Variants in SLC41A3 observed in about 807,000 individuals in gnomAD.
SLC41A3 encodes solute carrier family 41 member 3.
In SLC41A3, 44 loss-of-function variants were observed where a neutral mutation model predicts 45.4. The ratio of observed to expected loss-of-function variants is 0.97; its 90% CI spans 0.76 to 1.25. The LOEUF is 1.25. SLC41A3 is among the 50% of genes most tolerant of loss of function. The pLI is 0.00. For synonymous variants in SLC41A3, 256 were observed against 252.4 expected, an observed-to-expected ratio of 1.01 and a Z score of -0.13; for missense variants, 550 against 600.6, an observed-to-expected ratio of 0.92 and a Z score of 0.88.
intron 6 of SLC41A3, among the ~76,000 whole-genome samples, chr3:126,022,142 C>G (rs1940940978): frequency 6.6e-6 from 1 of 152,172 alleles, no homozygotes; most frequent in Non-Finnish European, 1.5e-5. Context: ...TGCTTTAAAC[C>G]TTGCCTGTGT....
chr3:126,056,243 G>A, intron 2 of SLC41A3: 3 of 1,353,142 alleles, frequency 2.2e-6, no homozygotes, highest in South Asian at 1.4e-5. Context: ...GGCAGGTTGA[G>A]GGCTGCCCTC....
intron 1 of SLC41A3, among the ~76,000 whole-genome samples, chr3:126,091,412 C>T (rs1945486004): frequency 6.6e-6 from 1 of 152,052 alleles, no homozygotes; most frequent in Non-Finnish European, 1.5e-5. Context: ...GGAGAGACAA[C>T]TGGAAGTGGG....
intron 4 of SLC41A3, among the ~76,000 whole-genome samples, chr3:126,032,928 G>A (rs1941911565): frequency 6.6e-6 from 1 of 152,112 alleles, no homozygotes; most frequent in Non-Finnish European, 1.5e-5. Flanking sequence ...GCTACCTCCT[G>A]TCTATGTCCA....
intron 2 of SLC41A3, among the ~76,000 whole-genome samples, chr3:126,053,019 T>A (rs1233150126): frequency 6.6e-6 from 1 of 152,202 alleles, no homozygotes; most frequent in Non-Finnish European, 1.5e-5. Flanking sequence ...GACGTTGCTA[T>A]GACTGGTCAG....
chr3:126,017,349 G>C (rs1261145367), intron 6 of SLC41A3, among the ~76,000 whole-genome samples: 2 of 152,330 alleles, frequency 1.3e-5, no homozygotes, highest in Admixed American at 1.3e-4. Context: ...GCTATGGCCT[G>C]GGTCCATGGA....
intron 1 of SLC41A3, among the ~76,000 whole-genome samples, chr3:126,072,087 A>G (rs1424541154): frequency 1.3e-5 from 2 of 152,136 alleles, no homozygotes; most frequent in Non-Finnish European, 2.9e-5. Context: ...ATACTCTTAA[A>G]TAAGTAATGG....
At chr3:126,034,782 C>A (rs1168010426) in intron 3 of SLC41A3, among the ~76,000 whole-genome samples, 1 of 152,258 alleles carries the variant, frequency 6.6e-6, no homozygotes, top group African/African-American at 2.4e-5. Context: ...CCAGCTCCAA[C>A]CTGGGTGCTG....
At position 126,006,944 on chromosome 3, in the gene SLC41A3, G is replaced by A. The variant is rs1036922377; in HGVS notation, c.*72C>T. ...CAACCATCCCAAGGACCTGGCAAGG[G>A]AGAAACTGAATTCTGTATCCCACTG... On this transcript the variant is annotated 3_prime_UTR_variant, in exon 11 of 11. Coordinates refer to ENST00000360370, the MANE Select transcript of SLC41A3 (RefSeq NM_017836.4). 1.4e-5 allele frequency: 22 copies of A among 1,599,224 alleles called. No homozygotes were observed. The South Asian group carries it at 1.9e-4, about 14-fold the overall frequency.
At chr3:126,008,681 T>G (rs771712989) in intron 10 of SLC41A3, 51 bp downstream of exon 10, 1 of 1,576,284 alleles carries the variant, frequency 6.3e-7, no homozygotes, top group Non-Finnish European at 8.7e-7. Flanking sequence ...AGATCAAGCC[T>G]GCTGGCTGAC....
At chr3:126,100,460 G>A (rs899003822) in intron 1 of SLC41A3, among the ~76,000 whole-genome samples, 3 of 152,168 alleles carry the variant, frequency 2.0e-5, no homozygotes, top group Non-Finnish European at 2.9e-5. Flanking sequence ...TGGATCCAGC[G>A]TGCTGCCACC....
upstream of SLC41A3, chr3:126,084,177 C>G (rs1249509834): frequency 6.6e-6 from 1 of 152,006 alleles, no homozygotes; most frequent in Non-Finnish European, 1.5e-5. Flanking sequence ...AGCGGGAAGG[C>G]CGGGCCTCCC....
At chr3:126,084,459 A>G (rs1945331137), upstream of SLC41A3, 1 of 152,202 alleles carries the variant, frequency 6.6e-6, no homozygotes, top group African/African-American at 2.4e-5. Context: ...AAAGGTACGG[A>G]GAACGGGAAC....
intron 9 of SLC41A3, among the ~76,000 whole-genome samples, chr3:126,011,331 A>C (rs1939687392): frequency 6.6e-6 from 1 of 152,246 alleles, no homozygotes; most frequent in Non-Finnish European, 1.5e-5. Flanking sequence ...AATAGGCTCA[A>C]TAGCAGAATG....
At position 126,033,675 on chromosome 3, in the gene SLC41A3, T is replaced by C. The variant is rs1941973286; in HGVS notation, c.385A>G (p.Asn129Asp). ...TGGGGGTCATCAATTTGTCCAGTGT[T>C]GGCCTAGAATGAAGAGAAAAGGACA... is the stretch of plus-strand genomic sequence containing the variant. ...TLASRLSTAA[N>D]TGQIDDPQEQ... is the part of the protein sequence containing the mutation. The change falls in exon 4 of 11, where the codon AAC (asparagine) becomes GAC (aspartate). Residue 129 changes from asparagine to aspartate, a missense_variant. Physicochemically the swap from Asn to Asp is conservative, Grantham distance 23 (BLOSUM62 1). Transcript: ENST00000360370. 6.2e-7 allele frequency: 1 copy of C among 1,612,594 alleles called. No individual in the cohort carries two copies. The highest frequency in any genetic ancestry group is 1.3e-5 in the African/African-American group (1 of 75,032).
At chr3:126,095,997 T>A (rs1450993672) in intron 1 of SLC41A3, among the ~76,000 whole-genome samples, 5 of 152,212 alleles carry the variant, frequency 3.3e-5, no homozygotes, top group Admixed American at 3.3e-4. Flanking sequence ...TTGTGGAAAC[T>A]ATTAATAGCT....
intron 8 of SLC41A3, among the ~76,000 whole-genome samples, chr3:126,013,707 C>G (rs1159265671): frequency 1.3e-5 from 2 of 152,140 alleles, no homozygotes; most frequent in Admixed American, 6.5e-5. Flanking sequence ...AAGACGTTGT[C>G]TGCTGCATGA....
intron 4 of SLC41A3, among the ~76,000 whole-genome samples, chr3:126,028,327 TC>T (rs34923610): frequency 0.29 from 43,500 of 152,158 alleles, 6,355 homozygotes; most frequent in African/African-American, 0.33. Context: ...CTGTCCCATG[TC>T]CCAGTCGCTC....
intron 4 of SLC41A3, among the ~76,000 whole-genome samples, chr3:126,028,426 A>G (rs535260197): frequency 1.9e-4 from 29 of 152,338 alleles, no homozygotes; most frequent in Admixed American, 1.4e-3. Context: ...TTCCATCCAC[A>G]TGTGTTATGC....
At chr3:126,057,517 A>G (rs1437237582) in intron 2 of SLC41A3, among the ~76,000 whole-genome samples, 1 of 152,154 alleles carries the variant, frequency 6.6e-6, no homozygotes, top group Non-Finnish European at 1.5e-5. Flanking sequence ...TCAGACTCAC[A>G]CCAGCTGAAC....
Sources: allele counts gnomAD v4.1 joint callset (sites outside exome capture counted in the v4.1 genomes callset), GRCh38; gene constraint gnomAD v4.1.1; transcripts MANE v1.5; gene names NCBI Gene and HGNC (gene_info 2026-07-23, HGNC 2026-07-21).